FGR: variants seen among roughly 807,000 people sequenced by gnomAD.
FGR encodes FGR proto-oncogene, Src family tyrosine kinase.
A neutral mutation model predicts 63.2 loss-of-function variants in FGR; 26 were observed. The ratio of observed to expected loss-of-function variants is 0.41; its 90% confidence interval spans 0.30 to 0.57. The LOEUF (loss-of-function observed/expected upper bound fraction) is 0.57. Ranked by LOEUF, FGR falls within the 20% of genes least tolerant of loss-of-function variation. The pLI, the probability that FGR is intolerant of heterozygous loss-of-function variation, is 0.27. For synonymous variants in FGR, 286 were observed against 277.7 expected (o/e 1.03, Z -0.30); for missense variants, 511 against 690.8 (o/e 0.74, Z 2.92).
At chr1:27,622,000 T>G (rs575442172) in intron 4 of FGR, among the ~76,000 whole-genome samples, 1 of 152,246 alleles carries the variant, frequency 6.6e-6, no homozygotes, top group East Asian at 1.9e-4. Context: ...AAATCTAGAC[T>G]TCTCAATGTG....
rs565307053 is a variant in FGR, at chr1:27,621,016, A to G, written c.428+543T>C. ...CAAAAAAAAAAAAAAAAAAAAAAAA[A>G]AAAGAAAGAAAGAAAGAAAAGAAAA... On this transcript the variant is annotated intron_variant, in intron 5 of 12. Transcript: ENST00000374005. Among the ~76,000 whole-genome samples, 289 of 129,704 alleles carry G rather than the reference A, an allele frequency of 2.2e-3. 2 individuals carry two copies. Among genetic ancestry groups the G allele is most frequent in the East Asian group, 0.013 (62 of 4,774 alleles). 85.1% of individuals were successfully genotyped at this position (129,704 alleles called of 152,430 possible). A position where few individuals can be genotyped will look rare whatever the true frequency, so the allele number is the denominator to read the frequency against.
intron 5 of FGR, among the ~76,000 whole-genome samples, chr1:27,619,459 G>A (rs953901547): frequency 6.6e-6 from 1 of 152,198 alleles, no homozygotes; most frequent in Non-Finnish European, 1.5e-5. Context: ...CCAAAGTGCT[G>A]GGATTACATG....
rs775015922 is a variant in FGR, at chr1:27,615,931, C to A, written c.683-87G>T. ...TCCTATCCCAGCCTGGTGCCAGACC[C>A]TAAGATCAGTTATAAGGAACTAGGC... On this transcript the variant is annotated intron_variant, in intron 7 of 12. Coordinates refer to ENST00000374005, the MANE Select transcript of FGR (RefSeq NM_005248.3). The surrounding 1 kb of genome is among the most constrained non-coding windows in gnomAD (Gnocchi z 7.6). 1.4e-4 allele frequency: 190 copies of A among 1,405,652 alleles called. No individual in the cohort carries two copies. The highest frequency in any genetic ancestry group is 8.4e-4 in the Middle Eastern group (4 of 4,764). The allele number at this position is 1,405,652 out of a possible 1,614,324, so 87.1% of individuals were successfully genotyped here.
intron 1 of FGR, among the ~76,000 whole-genome samples, chr1:27,626,933 G>A (rs571587060): frequency 3.3e-5 from 5 of 152,128 alleles, no homozygotes; most frequent in South Asian, 2.1e-4. Flanking sequence ...TTGGTAGGCC[G>A]AGGCAGGATG....
intron 5 of FGR, among the ~76,000 whole-genome samples, chr1:27,620,143 C>T (rs1163306285): frequency 1.3e-5 from 2 of 151,164 alleles, no homozygotes; most frequent in East Asian, 3.9e-4. Context: ...ATCGTGAAAC[C>T]CCGTCTCTAC....
intron 1 of FGR, among the ~76,000 whole-genome samples, chr1:27,630,433 T>A (rs2148532179): frequency 6.6e-6 from 1 of 152,268 alleles, no homozygotes; most frequent in East Asian, 1.9e-4. Context: ...TTTTTCTTCT[T>A]CCAATGCGGC....
At chr1:27,624,040 T>G (rs976031897) in intron 2 of FGR, 111 bp from the exon 3 acceptor site, 16 of 902,612 alleles carry the variant, frequency 1.8e-5, no homozygotes, top group Admixed American at 1.1e-4. Flanking sequence ...CTTTCCCTCT[T>G]GGGCCTAGAT....
chr1:27,631,713 G>A (rs190063508), intron 1 of FGR, among the ~76,000 whole-genome samples: 1 of 152,320 alleles, frequency 6.6e-6, no homozygotes, highest in South Asian at 2.1e-4. Flanking sequence ...GGCAGTGACG[G>A]TGTGGGACCA....
In FGR at chr1:27,616,945, G is replaced by A. The variant is rs201872694; in HGVS notation, c.594C>T (p.Tyr198=). The A allele has an allele frequency of 1.1e-5, 18 of 1,614,234 alleles. No individual in the cohort carries two copies. The highest frequency in any genetic ancestry group is 3.3e-4 in the Middle Eastern group (2 of 6,060). ...CGCCCATGTCCAGTTTGCGGATCTT[G>A]TAATGCTTCACATGATCGCCTCTGG... ...DQTRGDHVKH[Y]KIRKLDMGGY... The change falls in exon 7 of 13, where the codon TAC becomes TAT. Residue 198 remains tyrosine (Y), a synonymous_variant. Coordinates refer to ENST00000374005, the MANE Select transcript of FGR (RefSeq NM_005248.3). This position sits in a 1 kb window ranked among gnomAD's most constrained non-coding sequence, Gnocchi z 4.3.
Position 27,627,132 on chromosome 1 carries a change from G to A in FGR, c.-76-1981C>T, listed in dbSNP as rs565111741. On this transcript the variant is annotated intron_variant, in intron 1 of 12. Transcript: ENST00000374005. ...AGGCTGCAGGAGCTGTGATTGCACCGCTGCACTCCAGCCTGGGAGACAGAG... is the reference window on the plus strand; with the variant it reads ...AGGCTGCAGGAGCTGTGATTGCACCACTGCACTCCAGCCTGGGAGACAGAG... Among the ~76,000 whole-genome samples the A allele has an allele frequency of 4.6e-5, 7 of 152,072 alleles. No homozygotes were observed. In the East Asian group the frequency reaches 7.7e-4, roughly 17 times the overall value.
intron 11 of FGR, 122 bp downstream of exon 11, chr1:27,614,308 A>T: frequency 8.7e-7 from 1 of 1,148,748 alleles, no homozygotes; most frequent in Non-Finnish European, 1.2e-6. Context: ...TGCCTCTCAT[A>T]CTACATCAGG....
At chr1:27,623,604 C>T in intron 3 of FGR, 87 bp downstream of exon 3, 3 of 1,353,774 alleles carry the variant, frequency 2.2e-6, no homozygotes, top group Non-Finnish European at 3.1e-6. Context: ...CTCCTGGAGG[C>T]TCCTAAGGGC....
chr1:27,622,367 C>T (rs1052822984), intron 4 of FGR, among the ~76,000 whole-genome samples: 15 of 151,830 alleles, frequency 9.9e-5, no homozygotes, highest in Non-Finnish European at 2.1e-4. Flanking sequence ...CATTCTGCAT[C>T]CCATATTTTA....
chr1:27,621,906 G>T (rs1477021950), intron 4 of FGR, among the ~76,000 whole-genome samples: 1 of 152,154 alleles, frequency 6.6e-6, no homozygotes, highest in African/African-American at 2.4e-5. Context: ...TCCCCAGCTG[G>T]GTTGGGCTGG....
chr1:27,624,251 T>C (rs1470652870), intron 2 of FGR, among the ~76,000 whole-genome samples: 3 of 152,216 alleles, frequency 2.0e-5, no homozygotes, highest in African/African-American at 7.2e-5. Context: ...TTTGTTTTGT[T>C]TTGAGACAAG....
chr1:27,617,133 C>G lies in FGR; in HGVS notation c.532+60G>C. ...GCCTTAACCCAAGCAGCCTACCGCT[C>G]CTAGCCCTACCCCAATGGCTGGGCC... On this transcript the variant is annotated intron_variant, in intron 6 of 12. Coordinates refer to ENST00000374005, the MANE Select transcript of FGR (RefSeq NM_005248.3). This position sits in a 1 kb window ranked among gnomAD's most constrained non-coding sequence, Gnocchi z 4.5. 6.2e-7 allele frequency: 1 copy of G among 1,600,468 alleles called. No individual in the cohort carries two copies. The highest frequency in any genetic ancestry group is 1.1e-5 in the South Asian group (1 of 90,698).
intron 4 of FGR, among the ~76,000 whole-genome samples, chr1:27,622,030 G>T (rs1370181692): frequency 2.6e-5 from 4 of 152,126 alleles, no homozygotes; most frequent in Non-Finnish European, 5.9e-5. Flanking sequence ...GCCTGACAGA[G>T]ACCAGGTGTG....
At chr1:27,621,530 G>T (rs2089925310) in intron 5 of FGR, 29 bp downstream of exon 5, 1 of 1,562,458 alleles carries the variant, frequency 6.4e-7, no homozygotes, top group Non-Finnish European at 8.8e-7. Flanking sequence ...CCTGTCCATA[G>T]GGCTGGTCTT....
intron 5 of FGR, among the ~76,000 whole-genome samples, chr1:27,618,203 C>G (rs929873689): frequency 1.3e-5 from 2 of 151,946 alleles, no homozygotes; most frequent in East Asian, 3.8e-4. Flanking sequence ...AGGAGGGGGA[C>G]GGAGGAAGTG....
Sources: gnomAD v4.1 joint callset for allele counts (sites outside exome capture counted in the v4.1 genomes callset) on GRCh38, gnomAD v4.1.1 for gene constraint, Gnocchi (gnomAD v3.1) non-coding constraint, MANE v1.5 for transcripts, NCBI Gene and HGNC (gene_info 2026-07-23, HGNC 2026-07-21) for gene names.